Variants in KLHL7 observed in about 807,000 individuals in gnomAD.
KLHL7 encodes the protein kelch-like protein 7.
A neutral mutation model predicts 67.4 loss-of-function variants in KLHL7; 44 were observed. The observed-to-expected ratio is 0.65, with a 90% CI of 0.51 to 0.84. KLHL7 has a LOEUF of 0.84. KLHL7 is among the 40% of genes least tolerant of loss of function. The pLI is 0.00. For synonymous variants in KLHL7, 252 were observed against 243.3 expected, an observed-to-expected ratio of 1.04 and a Z score of -0.33; for missense variants, 362 against 718.1, an observed-to-expected ratio of 0.50 and a Z score of 5.67.
At chr7:23,112,619 G>C (rs1176767780) in intron 1 of KLHL7, among the ~76,000 whole-genome samples, 1 of 152,210 alleles carries the variant, frequency 6.6e-6, no homozygotes, top group East Asian at 1.9e-4. Flanking sequence ...CTAAAGCACT[G>C]TATTCACAGG....
At chr7:23,123,180 A>G (rs10242166) in intron 1 of KLHL7, among the ~76,000 whole-genome samples, 65,804 of 151,982 alleles carry the variant, frequency 0.43, 15,699 homozygotes, top group African/African-American at 0.64. Context: ...GCTGCTATCC[A>G]GCTTCTATCA....
intron 4 of KLHL7, among the ~76,000 whole-genome samples, chr7:23,134,503 T>C (rs1262160223): frequency 6.6e-6 from 1 of 152,176 alleles, no homozygotes. Flanking sequence ...CTCTTCTGTT[T>C]TTTTGGAATA....
Position 23,175,677 on chromosome 7 carries a change from C to T in KLHL7, c.*1379C>T, listed in dbSNP as rs527276926. 8.2e-6 allele frequency: 2 copies of T among 244,110 alleles called. No individual in the cohort carries two copies. The highest frequency in any genetic ancestry group is 9.8e-5 in the South Asian group (2 of 20,456). The allele number at this position is 244,110 out of a possible 1,614,324, so 15.1% of individuals were successfully genotyped here. On this transcript the variant is annotated 3_prime_UTR_variant, in exon 11 of 11. Coordinates refer to ENST00000339077, the MANE Select transcript of KLHL7 (RefSeq NM_001031710.3). ...AATTCACCATTTAAAGTATACTATTCAGGCCAGGCACAGTGGCTCACGCCT... is the reference window on the plus strand; with the variant it reads ...AATTCACCATTTAAAGTATACTATTTAGGCCAGGCACAGTGGCTCACGCCT...
chr7:23,140,745 CTTTTA>C lies in KLHL7; in HGVS notation c.443-19_443-15del, dbSNP rs756754918. ...GTTTTTCTAAAAATGATTTTCTATT[CTTTTA>C]TTTTCTTTCTGTGTTTAGGTATAAG... On this transcript the variant is annotated intron_variant, in intron 4 of 10. Transcript: ENST00000339077. 107 of 1,605,348 alleles carry C rather than the reference CTTTTA, an allele frequency of 6.7e-5. No homozygotes were observed. Among genetic ancestry groups the C allele is most frequent in the Non-Finnish European group, 8.9e-5 (105 of 1,173,768 alleles).
chr7:23,128,540 T>G (rs1434627147), intron 4 of KLHL7, among the ~76,000 whole-genome samples: 1 of 151,960 alleles, frequency 6.6e-6, no homozygotes, highest in Non-Finnish European at 1.5e-5. Flanking sequence ...TCTAGTGATA[T>G]TTTTCACCTT....
Position 23,175,502 on chromosome 7 carries a change from G to A in KLHL7, c.*1204G>A. 1 of 371,446 alleles carries A rather than the reference G, an allele frequency of 2.7e-6. No homozygotes were observed. The highest frequency in any genetic ancestry group is 5.1e-6 in the Non-Finnish European group (1 of 195,026). The allele number at this position is 371,446 out of a possible 1,614,324, so 23.0% of individuals were successfully genotyped here. A position where few individuals can be genotyped will look rare whatever the true frequency, so the allele number is the denominator to read the frequency against. On this transcript the variant is annotated 3_prime_UTR_variant, in exon 11 of 11. Coordinates refer to ENST00000339077, the MANE Select transcript of KLHL7 (RefSeq NM_001031710.3). ...GTGAACCAGTGTCTCTTAATTTTCA[G>A]TTTTCTTTATATAGAGGTTATAATA...
chr7:23,130,071 T>A (rs945496698), intron 4 of KLHL7, among the ~76,000 whole-genome samples: 14 of 152,202 alleles, frequency 9.2e-5, no homozygotes, highest in Admixed American at 2.0e-4. Flanking sequence ...ATCTAATGTG[T>A]TTTATCCAGT....
At chr7:23,139,088 T>TTAA (rs371785353) in intron 4 of KLHL7, among the ~76,000 whole-genome samples, 2 of 129,862 alleles carry the variant, frequency 1.5e-5, no homozygotes, top group Non-Finnish European at 3.3e-5. Context: ...TTATTAATGC[T>TTAA]AAAAAAAAAA....
intron 4 of KLHL7, among the ~76,000 whole-genome samples, chr7:23,131,292 T>A (rs892726944): frequency 1.3e-5 from 2 of 152,196 alleles, no homozygotes; most frequent in African/African-American, 4.8e-5. Context: ...TTTGAAAATT[T>A]GGCCCTTTTT....
chr7:23,110,619 TTTA>T (rs1782827245), intron 1 of KLHL7, among the ~76,000 whole-genome samples: 2 of 151,980 alleles, frequency 1.3e-5, no homozygotes, highest in African/African-American at 4.8e-5. Context: ...TTTTTTTAAT[TTTA>T]TTATTATTAT....
chr7:23,164,948 T>A (rs973139280), intron 7 of KLHL7, among the ~76,000 whole-genome samples: 2 of 152,244 alleles, frequency 1.3e-5, no homozygotes, highest in Non-Finnish European at 2.9e-5. Flanking sequence ...TCCAAGATAC[T>A]ATAACTTTAG....
At chr7:23,139,457 A>T (rs754073891) in intron 4 of KLHL7, among the ~76,000 whole-genome samples, 7 of 152,192 alleles carry the variant, frequency 4.6e-5, no homozygotes, top group Non-Finnish European at 1.0e-4. Context: ...AAAAATAATA[A>T]TCCTTAAAAT....
In KLHL7 at chr7:23,143,912, T is replaced by G; in HGVS notation, c.680T>G (p.Val227Gly). 1 of 1,614,162 alleles carries G rather than the reference T, an allele frequency of 6.2e-7. No individual in the cohort carries two copies. Among genetic ancestry groups the G allele is most frequent in the Non-Finnish European group, 8.5e-7 (1 of 1,179,994 alleles). ...GAACCTAATCGCCAGCCATTTATGG[T>G]TGATATCCTTGCTAAAGTCAGGTTT... ...YDEPNRQPFMVDILAKVRFPL... is the reference protein window; with the variant it reads ...YDEPNRQPFMGDILAKVRFPL... The change falls in exon 6 of 11, where the codon GTT becomes GGT. Residue 227 changes from valine (V) to glycine (G), a missense_variant. Transcript: ENST00000339077.
Position 23,123,757 on chromosome 7 carries a change from T to A in KLHL7, c.121-20T>A. The A allele has an allele frequency of 6.4e-7, 1 of 1,552,066 alleles. No homozygotes were observed. Among genetic ancestry groups the A allele is most frequent in the East Asian group, 2.2e-5 (1 of 44,570 alleles). On this transcript the variant is annotated intron_variant, in intron 1 of 10. Transcript: ENST00000339077. Reference sequence around the variant, plus strand: ...GGCTAGTGAGCCTCTTTTTATTTTATGTATTTTTCCTTTGATTAGAAAACG... The same window carrying A: ...GGCTAGTGAGCCTCTTTTTATTTTAAGTATTTTTCCTTTGATTAGAAAACG...
intron 7 of KLHL7, among the ~76,000 whole-genome samples, chr7:23,160,828 A>G (rs1204227519): frequency 1.3e-5 from 2 of 152,198 alleles, no homozygotes; most frequent in South Asian, 2.1e-4. Context: ...TATACATCCT[A>G]TGGAATTACT....
intron 1 of KLHL7, among the ~76,000 whole-genome samples, chr7:23,114,975 A>G (rs568251380): frequency 6.6e-6 from 1 of 152,322 alleles, no homozygotes; most frequent in South Asian, 2.1e-4. Context: ...TCTGAATTAA[A>G]ATGAAAGGCA....
At chr7:23,158,656 G>T (rs1210207356) in intron 7 of KLHL7, among the ~76,000 whole-genome samples, 2 of 152,144 alleles carry the variant, frequency 1.3e-5, no homozygotes. Flanking sequence ...GTTCATATAG[G>T]ATTTTAAATT....
At position 23,140,857 on chromosome 7, in the gene KLHL7, C is replaced by T. The variant is rs780406268; in HGVS notation, c.531C>T (p.Tyr177=). 1 of 1,613,934 alleles carries T rather than the reference C, an allele frequency of 6.2e-7. No individual in the cohort carries two copies. The highest frequency in any genetic ancestry group is 8.5e-7 in the Non-Finnish European group (1 of 1,179,876). ...DFIHQHFTEV[Y]KTDEFLQLDV... is the part of the protein sequence containing the mutation. ...TTCATCAGCACTTTACTGAAGTTTA[C>T]AAAACTGATGAATTTCTTCAACTTG... The change falls in exon 5 of 11, where the codon TAC becomes TAT. Residue 177 remains tyrosine, a synonymous_variant. Transcript: ENST00000339077.
chr7:23,172,801 T>A, intron 9 of KLHL7, 147 bp from the exon 10 acceptor site: 1 of 635,280 alleles, frequency 1.6e-6, no homozygotes, highest in Non-Finnish European at 2.8e-6. Flanking sequence ...TCAACTTTTG[T>A]TTTCTACCCT....
Sources: allele counts gnomAD v4.1 joint callset (sites outside exome capture counted in the v4.1 genomes callset), GRCh38; gene constraint gnomAD v4.1.1; transcripts MANE v1.5; gene names NCBI Gene and HGNC (gene_info 2026-07-23, HGNC 2026-07-21).